ANKS1B: variants seen among roughly 807,000 people sequenced by gnomAD.
The protein encoded by ANKS1B is ankyrin repeat and sterile alpha motif domain-containing protein 1B.
Under a neutral mutation model 148.3 loss-of-function variants are expected in ANKS1B, and 36 were observed. The ratio of observed to expected loss-of-function variants is 0.24; its 90% CI spans 0.19 to 0.32. The LOEUF is 0.32. Ranked by LOEUF, ANKS1B falls within the 10% of genes least tolerant of loss-of-function variation. ANKS1B has a pLI of 1.00. For synonymous variants in ANKS1B, 542 were observed against 560.8 expected (o/e 0.97, Z 0.47); for missense variants, 1,157 against 1,542.6 (o/e 0.75, Z 4.19).
At chr12:99,356,907 G>A (rs1432017958) in intron 12 of ANKS1B, among the ~76,000 whole-genome samples, 1 of 150,274 alleles carries the variant, frequency 6.7e-6, no homozygotes, top group Non-Finnish European at 1.5e-5. Flanking sequence ...GAAAACTAAT[G>A]CTAGTATTTT....
chr12:99,523,551 C>CTTT (rs71088130), intron 9 of ANKS1B, among the ~76,000 whole-genome samples: 3,676 of 119,516 alleles, frequency 0.031, 299 homozygotes, highest in African/African-American at 0.11. Context: ...AAGGCATCTT[C>CTTT]TTTTTTTTTT....
chr12:98,947,566 A>AG (rs138797453), intron 17 of ANKS1B, among the ~76,000 whole-genome samples: 5,459 of 152,282 alleles, frequency 0.036, 114 homozygotes, highest in African/African-American at 0.057. Context: ...CATACCATGG[A>AG]GAAGTCCAAC....
chr12:99,654,527 G>A lies in ANKS1B; in HGVS notation c.1272+540C>T, dbSNP rs570203519. On this transcript the variant is annotated intron_variant, in intron 9 of 26. Coordinates refer to ENST00000683438, the MANE Select transcript of ANKS1B (RefSeq NM_001352186.2). ...CAACCCACAACAGGAACCTGAAGGT[G>A]ATACTACAGATTTAAAGTAGTCTTA... Among the ~76,000 whole-genome samples the A allele has an allele frequency of 6.9e-4, 105 of 152,264 alleles. 2 individuals carry two copies. Among genetic ancestry groups the A allele is most frequent in the African/African-American group, 2.4e-3 (100 of 41,566 alleles).
At chr12:99,939,524 C>A (rs769945310) in intron 1 of ANKS1B, among the ~76,000 whole-genome samples, 2 of 152,100 alleles carry the variant, frequency 1.3e-5, no homozygotes, top group Non-Finnish European at 2.9e-5. Context: ...AGCCACTGTG[C>A]CCGGCCACAT....
intron 8 of ANKS1B, among the ~76,000 whole-genome samples, chr12:99,683,414 C>G (rs1194191829): frequency 6.6e-6 from 1 of 151,958 alleles, no homozygotes; most frequent in Non-Finnish European, 1.5e-5. Flanking sequence ...ATACAACCAT[C>G]CTAGATTAAA....
At chr12:99,416,991 C>G (rs1169870992) in intron 11 of ANKS1B, among the ~76,000 whole-genome samples, 1 of 152,194 alleles carries the variant, frequency 6.6e-6, no homozygotes, top group Non-Finnish European at 1.5e-5. Context: ...CAGGCCCCCT[C>G]TGATTTGGGG....
chr12:99,924,816 T>C (rs1415057692), intron 1 of ANKS1B, among the ~76,000 whole-genome samples: 1 of 152,184 alleles, frequency 6.6e-6, no homozygotes, highest in East Asian at 1.9e-4. Context: ...CAATGGTATC[T>C]TATTATAGCT....
intron 14 of ANKS1B, among the ~76,000 whole-genome samples, chr12:99,206,038 G>A (rs1356646629): frequency 6.6e-6 from 1 of 152,146 alleles, no homozygotes; most frequent in Admixed American, 6.6e-5. Flanking sequence ...AGCTATTAGA[G>A]CAACCCACCA....
At chr12:99,176,149 T>C (rs1411965296) in intron 14 of ANKS1B, among the ~76,000 whole-genome samples, 1 of 152,140 alleles carries the variant, frequency 6.6e-6, no homozygotes, top group Admixed American at 6.5e-5. Flanking sequence ...ACACTTGGCC[T>C]GTGTTTTATT....
At chr12:98,780,136 G>A (rs2098719820) in intron 24 of ANKS1B, among the ~76,000 whole-genome samples, 1 of 152,186 alleles carries the variant, frequency 6.6e-6, no homozygotes, top group African/African-American at 2.4e-5. Context: ...TTGGCCCTAA[G>A]TTGCTGTTTC....
chr12:98,845,719 A>G (rs1030887897), intron 17 of ANKS1B, among the ~76,000 whole-genome samples: 3 of 150,910 alleles, frequency 2.0e-5, no homozygotes, highest in African/African-American at 7.3e-5. Flanking sequence ...CCAGATAATT[A>G]AAACTTTTTT....
rs767290381 is a variant in ANKS1B at position 98,735,589 on chromosome 12, GTC to G, written c.734_735del (p.Arg245ThrfsTer3). ...AATTTTCTGAGTGCCTCCTCAGTGT[GTC>G]TCTCTGATGGTTCCTGCCCGGTATG... On this transcript the variant is annotated frameshift_variant, in exon 10 of 10. Transcript: ENST00000341752. LOFTEE classifies it high-confidence loss of function. 4 of 774,468 alleles carry G rather than the reference GTC, an allele frequency of 5.2e-6. No homozygotes were observed. The South Asian group carries it at 5.4e-5, about 10-fold the overall frequency. 48.0% of individuals were successfully genotyped at this position (774,468 alleles called of 1,614,324 possible). A position where few individuals can be genotyped will look rare whatever the true frequency, so the allele number is the denominator to read the frequency against.
chr12:99,760,260 T>C (rs2061959457), intron 8 of ANKS1B, among the ~76,000 whole-genome samples: 1 of 151,796 alleles, frequency 6.6e-6, no homozygotes, highest in Non-Finnish European at 1.5e-5. Context: ...ACAGGGAACA[T>C]ACTCAAAGAT....
intron 12 of ANKS1B, among the ~76,000 whole-genome samples, chr12:99,371,840 A>G (rs1329130836): frequency 6.6e-6 from 1 of 152,200 alleles, no homozygotes; most frequent in Non-Finnish European, 1.5e-5. Context: ...TAATAAGAAT[A>G]AATTATTAAT....
intron 2 of ANKS1B, among the ~76,000 whole-genome samples, chr12:99,817,822 C>T (rs1329873356): frequency 6.6e-6 from 1 of 151,740 alleles, no homozygotes; most frequent in Admixed American, 6.6e-5. Flanking sequence ...CGAGAAATGT[C>T]TATAATCGTT....
intron 1 of ANKS1B, among the ~76,000 whole-genome samples, chr12:99,950,153 C>G (rs945712861): frequency 7.8e-6 from 1 of 128,152 alleles, no homozygotes; most frequent in African/African-American, 3.2e-5. Flanking sequence ...CAGAGACGAG[C>G]TCTGTCTGTG....
chr12:98,791,768 C>A (rs2098864083), intron 22 of ANKS1B, among the ~76,000 whole-genome samples: 1 of 152,092 alleles, frequency 6.6e-6, no homozygotes, highest in Non-Finnish European at 1.5e-5. Context: ...TTTTTTTTCC[C>A]AGTCTGATTC....
chr12:99,558,454 T>C (rs1414962323), intron 9 of ANKS1B, among the ~76,000 whole-genome samples: 1 of 151,812 alleles, frequency 6.6e-6, no homozygotes, highest in Non-Finnish European at 1.5e-5. Context: ...TGTGTGTGTG[T>C]CAAGGGGGGA....
At chr12:99,274,146 T>A (rs2077398165) in intron 12 of ANKS1B, among the ~76,000 whole-genome samples, 2 of 152,134 alleles carry the variant, frequency 1.3e-5, no homozygotes, top group Admixed American at 1.3e-4. Flanking sequence ...AGGAGTTTTG[T>A]AAGCATACCC....
Sources: gnomAD v4.1 joint callset for allele counts (sites outside exome capture counted in the v4.1 genomes callset) on GRCh38, gnomAD v4.1.1 for gene constraint, MANE v1.5 for transcripts, NCBI Gene and HGNC (gene_info 2026-07-23, HGNC 2026-07-21) for gene names.